Variants in PALS2 observed in about 807,000 individuals in gnomAD.
PALS2 encodes the protein protein associated with LIN7 2, MAGUK p55 family member.
A neutral mutation model predicts 61.6 loss-of-function variants in PALS2; 27 were observed. The ratio of observed to expected loss-of-function variants is 0.44; its 90% CI spans 0.32 to 0.60. The LOEUF is 0.60. Among genes scored for constraint, PALS2 ranks in the 20% least tolerant of loss-of-function variants. The pLI is 0.05. For missense variants in PALS2, 554 were observed against 639.4 expected (o/e 0.87, Z 1.44); for synonymous variants, 236 against 218.6 (o/e 1.08, Z -0.70).
intron 3 of PALS2, among the ~76,000 whole-genome samples, chr7:24,647,623 G>A (rs1393976688): frequency 6.6e-6 from 1 of 152,212 alleles, no homozygotes; most frequent in Non-Finnish European, 1.5e-5. Context: ...CTTCCATAAT[G>A]TAGAGCTTCT....
At chr7:24,668,376 G>A (rs895251563) in intron 8 of PALS2, 123 bp from the exon 9 acceptor site, 2 of 837,400 alleles carry the variant, frequency 2.4e-6, no homozygotes, top group East Asian at 2.7e-5. Context: ...TCTATGCTAA[G>A]TGGGTACAAG....
At chr7:24,621,097 CT>C (rs1228643843) in intron 1 of PALS2, among the ~76,000 whole-genome samples, 1 of 152,148 alleles carries the variant, frequency 6.6e-6, no homozygotes, top group Non-Finnish European at 1.5e-5. Context: ...TTAAAGGTAA[CT>C]TGTTGACCTT....
chr7:24,574,930 A>G (rs1782590466), intron 1 of PALS2, among the ~76,000 whole-genome samples: 1 of 152,184 alleles, frequency 6.6e-6, no homozygotes, highest in African/African-American at 2.4e-5. Context: ...GTGCAATGAT[A>G]GGGTAGTGGG....
chr7:24,681,843 C>A (rs546251337), intron 11 of PALS2, among the ~76,000 whole-genome samples: 1 of 152,222 alleles, frequency 6.6e-6, no homozygotes, highest in African/African-American at 2.4e-5. Flanking sequence ...TGATTATATG[C>A]CATGAAATCA....
chr7:24,687,792 G>C lies in PALS2; in HGVS notation c.*178G>C, dbSNP rs1441244093. 2.0e-6 allele frequency: 1 copy of C among 495,142 alleles called. No homozygotes were observed. Among genetic ancestry groups the C allele is most frequent in the Admixed American group, 4.2e-5 (1 of 23,530 alleles). 30.7% of individuals were successfully genotyped at this position (495,142 alleles called of 1,614,324 possible). On this transcript the variant is annotated 3_prime_UTR_variant, in exon 12 of 12. Transcript: ENST00000222644. This position sits in a 1 kb window ranked among gnomAD's most constrained non-coding sequence, Gnocchi z 4.5. The stretch of plus-strand genomic sequence containing the variant: ...TTTTTATATAAAATGTGGTTGGAAG[G>C]TGTACTAATATATAATTTATCTTAA...
intron 5 of PALS2, among the ~76,000 whole-genome samples, chr7:24,662,594 C>G (rs750766951): frequency 6.6e-6 from 1 of 151,704 alleles, no homozygotes. Context: ...CATGGTGAAA[C>G]CTGGTCTCTA....
At chr7:24,671,381 T>G (rs1787287875) in intron 9 of PALS2, among the ~76,000 whole-genome samples, 1 of 152,228 alleles carries the variant, frequency 6.6e-6, no homozygotes. Context: ...TTATTTGTCC[T>G]TTTCTTAAGC....
At chr7:24,619,473 T>C (rs971172683) in intron 1 of PALS2, among the ~76,000 whole-genome samples, 3 of 151,506 alleles carry the variant, frequency 2.0e-5, no homozygotes, top group Non-Finnish European at 4.4e-5. Context: ...ATCCCAGCAC[T>C]TTGGGAGGCC....
intron 2 of PALS2, among the ~76,000 whole-genome samples, chr7:24,633,885 GTTA>G (rs750661263): frequency 6.6e-6 from 1 of 152,042 alleles, no homozygotes; most frequent in East Asian, 1.9e-4. Context: ...TTCAACACTT[GTTA>G]TTATTTGATT....
In PALS2 at chr7:24,687,449, G is replaced by C; in HGVS notation, c.1458G>C (p.Leu486Phe). ...ITTKLLTDSD[L>F]KKTVDESARI... ...AAACTCTTCAACAGGACTCTGACTT[G>C]AAGAAAACAGTGGATGAAAGTGCAC... Residue 486 changes from leucine (L) to phenylalanine (F), a missense_variant, in exon 12 of 12, where the codon TTG (leucine) becomes TTC (phenylalanine). Physicochemically the swap from Leu to Phe is conservative, Grantham distance 22. Transcript: ENST00000222644. The surrounding 1 kb of genome is among the most constrained non-coding windows in gnomAD (Gnocchi z 4.5). 6.2e-7 allele frequency: 1 copy of C among 1,608,816 alleles called. No individual in the cohort carries two copies. The highest frequency in any genetic ancestry group is 2.2e-5 in the East Asian group (1 of 44,554).
intron 1 of PALS2, among the ~76,000 whole-genome samples, chr7:24,608,402 TTAC>T (rs1267367714): frequency 2.0e-5 from 3 of 152,282 alleles, no homozygotes; most frequent in Middle Eastern, 3.4e-3. Flanking sequence ...TTTTCTTCTA[TTAC>T]TTCTTCAACT....
intron 11 of PALS2, among the ~76,000 whole-genome samples, chr7:24,686,187 C>A (rs1000663040): frequency 2.0e-5 from 3 of 152,122 alleles, no homozygotes; most frequent in African/African-American, 7.2e-5. Flanking sequence ...AAAGCTAATC[C>A]TGATTATTTT....
chr7:24,598,502 G>A (rs986415746), intron 1 of PALS2, among the ~76,000 whole-genome samples: 1 of 152,104 alleles, frequency 6.6e-6, no homozygotes, highest in African/African-American at 2.4e-5. Context: ...TATTTAAAGT[G>A]TTCTTTCACT....
At chr7:24,626,355 T>G (rs2128059358) in intron 2 of PALS2, among the ~76,000 whole-genome samples, 1 of 152,164 alleles carries the variant, frequency 6.6e-6, no homozygotes, top group Non-Finnish European at 1.5e-5. Flanking sequence ...TCAAAATATC[T>G]AATATATGTA....
intron 2 of PALS2, among the ~76,000 whole-genome samples, chr7:24,638,588 C>T: frequency 2.2e-5 from 1 of 44,854 alleles, no homozygotes; most frequent in Non-Finnish European, 3.4e-5. Flanking sequence ...GCCTCGGCCT[C>T]CCAAAGTGCT....
intron 3 of PALS2, among the ~76,000 whole-genome samples, 169 bp downstream of exon 3, chr7:24,642,037 A>C (rs1240993355): frequency 6.6e-6 from 1 of 152,242 alleles, no homozygotes; most frequent in South Asian, 2.1e-4. Context: ...GAGGATATAT[A>C]AAGAGACATA....
intron 1 of PALS2, among the ~76,000 whole-genome samples, chr7:24,595,509 AAT>A (rs1222028047): frequency 3.2e-4 from 38 of 117,142 alleles, no homozygotes; most frequent in African/African-American, 1.2e-3. Context: ...TAATATATAT[AAT>A]ATATAATATA....
intron 1 of PALS2, among the ~76,000 whole-genome samples, chr7:24,600,049 G>C (rs940954362): frequency 6.6e-6 from 1 of 151,942 alleles, no homozygotes; most frequent in Admixed American, 6.6e-5. Context: ...ATCTTCTTGC[G>C]GGGGTGTCAC....
intron 1 of PALS2, among the ~76,000 whole-genome samples, chr7:24,583,976 A>C (rs865951825): frequency 0.038 from 5,631 of 147,474 alleles, 68 homozygotes; most frequent in African/African-American, 0.061. Flanking sequence ...CCATGTCCCT[A>C]CAAAGGACAT....
Sources: gnomAD v4.1 joint callset for allele counts (sites outside exome capture counted in the v4.1 genomes callset) on GRCh38, gnomAD v4.1.1 for gene constraint, Gnocchi (gnomAD v3.1) non-coding constraint, MANE v1.5 for transcripts, NCBI Gene and HGNC (gene_info 2026-07-23, HGNC 2026-07-21) for gene names.